TCF7L1: variants seen among roughly 807,000 people sequenced by gnomAD.
TCF7L1 encodes transcription factor 7 like 1, also known as transcription factor 7-like 1.
In TCF7L1, 18 loss-of-function variants were observed where a neutral mutation model predicts 63.7. That is an observed-to-expected ratio of 0.28 (90% CI 0.20 to 0.42). TCF7L1 has a LOEUF of 0.42. TCF7L1 is among the 10% of genes least tolerant of loss of function. The pLI, the probability that TCF7L1 is intolerant of heterozygous loss-of-function variation, is 1.00. For synonymous variants in TCF7L1, 355 were observed against 340.9 expected, an observed-to-expected ratio of 1.04 and a Z score of -0.46; for missense variants, 654 against 779.3, an observed-to-expected ratio of 0.84 and a Z score of 1.91.
chr2:85,287,148 G>A (rs148224058), intron 4 of TCF7L1, among the ~76,000 whole-genome samples: 11 of 152,160 alleles, frequency 7.2e-5, no homozygotes, highest in Middle Eastern at 3.4e-3. Flanking sequence ...CCGGCTTAGC[G>A]CTTCAGTCAC....
chr2:85,281,074 A>C (rs1681407563), intron 3 of TCF7L1, among the ~76,000 whole-genome samples: 1 of 138,122 alleles, frequency 7.2e-6, no homozygotes, highest in African/African-American at 2.8e-5. Flanking sequence ...CCCAGGCTGG[A>C]GTGCAGTGGT....
At chr2:85,272,533 C>G (rs1196239746) in intron 3 of TCF7L1, among the ~76,000 whole-genome samples, 1 of 151,976 alleles carries the variant, frequency 6.6e-6, no homozygotes, top group Non-Finnish European at 1.5e-5. Context: ...TAGCTCAAAG[C>G]TATAATCCCA....
chr2:85,222,498 G>T (rs578102476), intron 3 of TCF7L1, among the ~76,000 whole-genome samples: 1 of 151,504 alleles, frequency 6.6e-6, no homozygotes, highest in Non-Finnish European at 1.5e-5. Context: ...TGAAATCCCT[G>T]TCTCCACCAA....
chr2:85,165,527 G>A (rs966559478), intron 3 of TCF7L1, among the ~76,000 whole-genome samples: 1 of 152,158 alleles, frequency 6.6e-6, no homozygotes, highest in African/African-American at 2.4e-5. Flanking sequence ...GTGACCTTCT[G>A]GGTCACTCTG....
At chr2:85,295,863 C>T (rs935380552) in intron 4 of TCF7L1, among the ~76,000 whole-genome samples, 3 of 147,178 alleles carry the variant, frequency 2.0e-5, no homozygotes, top group African/African-American at 5.0e-5. Flanking sequence ...CTGCAGCCTC[C>T]GCCTCCTGGG....
intron 3 of TCF7L1, among the ~76,000 whole-genome samples, chr2:85,219,948 A>G (rs567282931): frequency 4.6e-5 from 7 of 152,204 alleles, no homozygotes; most frequent in Non-Finnish European, 7.3e-5. Context: ...ATACATACAT[A>G]GGGGAGGGAG....
chr2:85,221,010 A>G (rs1275756913), intron 3 of TCF7L1, among the ~76,000 whole-genome samples: 6 of 152,248 alleles, frequency 3.9e-5, no homozygotes, highest in Non-Finnish European at 5.9e-5. Context: ...CATGAAAGCT[A>G]TTGAAGACCA....
intron 3 of TCF7L1, among the ~76,000 whole-genome samples, chr2:85,178,861 C>A (rs1203131243): frequency 3.9e-5 from 6 of 152,104 alleles, no homozygotes. Flanking sequence ...CACTTTGGAG[C>A]CTCAGCCAAC....
Position 85,134,354 on chromosome 2 carries a change from A to G in TCF7L1, c.345A>G (p.Lys115=). 6.3e-7 allele frequency: 1 copy of G among 1,584,502 alleles called. No individual in the cohort carries two copies. Among genetic ancestry groups the G allele is most frequent in the South Asian group, 1.1e-5 (1 of 87,026 alleles). The stretch of plus-strand genomic sequence containing the variant: ...GGCCTCAGGACAGCGCGTTCTTTAA[A>G]GGACCCCCGTACCCTGGGTACCCCT... ...VRRPQDSAFF[K]GPPYPGYPFL... Residue 115 remains lysine, a synonymous_variant, in exon 3 of 12, where the codon AAA becomes AAG. Transcript: ENST00000282111. This position sits in a 1 kb window ranked among gnomAD's most constrained non-coding sequence, Gnocchi z 5.0.
At chr2:85,221,419 CA>C (rs1184796086) in intron 3 of TCF7L1, among the ~76,000 whole-genome samples, 1 of 152,142 alleles carries the variant, frequency 6.6e-6, no homozygotes, top group Non-Finnish European at 1.5e-5. Context: ...AACAGCACAC[CA>C]CAAACTGGGT....
At chr2:85,266,020 G>GT (rs1161961957) in intron 3 of TCF7L1, among the ~76,000 whole-genome samples, 3 of 151,960 alleles carry the variant, frequency 2.0e-5, no homozygotes, top group Non-Finnish European at 2.9e-5. Flanking sequence ...TTCAATACAT[G>GT]TTTTTTCTTT....
intron 3 of TCF7L1, among the ~76,000 whole-genome samples, chr2:85,253,036 C>T (rs1335605023): frequency 3.9e-5 from 6 of 152,150 alleles, no homozygotes. Context: ...AGAAGGTGGT[C>T]CCTGGCCTAA....
chr2:85,227,326 C>T (rs752973390), intron 3 of TCF7L1, among the ~76,000 whole-genome samples: 1 of 152,134 alleles, frequency 6.6e-6, no homozygotes, highest in Non-Finnish European at 1.5e-5. Flanking sequence ...GCGACCTGTT[C>T]TTCCCATGAA....
chr2:85,294,025 G>GGTTTTTTTTTT (rs1558658876), intron 4 of TCF7L1, among the ~76,000 whole-genome samples: 1 of 70,560 alleles, frequency 1.4e-5, no homozygotes, highest in Admixed American at 1.6e-4. Flanking sequence ...TGAACACTGG[G>GGTTTTTTTTTT]ATTTTTTTTT....
At chr2:85,258,229 A>AG (rs370572392) in intron 3 of TCF7L1, among the ~76,000 whole-genome samples, 23 of 152,164 alleles carry the variant, frequency 1.5e-4, no homozygotes, top group African/African-American at 4.8e-4. Context: ...AGACCTGAGC[A>AG]GGGGGGGCCT....
intron 3 of TCF7L1, among the ~76,000 whole-genome samples, chr2:85,260,266 T>G (rs1045955920): frequency 4.6e-5 from 7 of 152,174 alleles, no homozygotes; most frequent in South Asian, 4.1e-4. Context: ...AATCTTGGTA[T>G]GGCAGTGTAC....
chr2:85,262,710 A>T (rs964645060), intron 3 of TCF7L1, among the ~76,000 whole-genome samples: 5 of 152,200 alleles, frequency 3.3e-5, no homozygotes, highest in African/African-American at 4.8e-5. Flanking sequence ...TCTCTCCGGA[A>T]CTCTGAAAGC....
intron 10 of TCF7L1, among the ~76,000 whole-genome samples, chr2:85,307,120 T>A (rs1682134105): frequency 6.6e-6 from 1 of 152,006 alleles, no homozygotes; most frequent in African/African-American, 2.4e-5. Context: ...CTCGATTTCA[T>A]AACACAGGGC....
intron 4 of TCF7L1, among the ~76,000 whole-genome samples, chr2:85,287,297 C>A (rs1488518599): frequency 3.3e-5 from 5 of 152,174 alleles, no homozygotes; most frequent in African/African-American, 1.2e-4. Flanking sequence ...AGTTGTTTGT[C>A]TTTTTGAAGC....
Sources: allele counts gnomAD v4.1 joint callset (sites outside exome capture counted in the v4.1 genomes callset), GRCh38; gene constraint gnomAD v4.1.1; non-coding constraint Gnocchi (gnomAD v3.1); transcripts MANE v1.5; gene names NCBI Gene and HGNC (gene_info 2026-07-23, HGNC 2026-07-21).